The following SPMIP2 variants were observed in gnomAD, a reference collection of about 807,000 sequenced individuals.
SPMIP2 encodes protein SPMIP2.
chr4:159,032,531 A>G, the SPMIP2 span, among the ~76,000 whole-genome samples: 4 of 152,366 alleles, frequency 2.6e-5, no homozygotes, highest in East Asian at 7.7e-4. Flanking sequence ...ATGTAAATAC[A>G]TAAAACTAAG....
At chr4:158,982,831 GAGA>G in the SPMIP2 span, among the ~76,000 whole-genome samples, 2 of 152,234 alleles carry the variant, frequency 1.3e-5, no homozygotes, top group African/African-American at 4.8e-5. Context: ...GACAAGTTGA[GAGA>G]AGAAGGCTTC....
At chr4:159,030,456 A>G in the SPMIP2 span, among the ~76,000 whole-genome samples, 3 of 147,480 alleles carry the variant, frequency 2.0e-5, no homozygotes, top group Non-Finnish European at 4.4e-5. Context: ...GCCAAGAGAA[A>G]GCAAAATTTT....
At chr4:158,910,143 AC>A in the SPMIP2 span, among the ~76,000 whole-genome samples, 1 of 152,030 alleles carries the variant, frequency 6.6e-6, no homozygotes, top group Non-Finnish European at 1.5e-5. Flanking sequence ...AGCTTCCCAA[AC>A]CGTTGGGATT....
the SPMIP2 span, among the ~76,000 whole-genome samples, chr4:159,002,896 T>C: frequency 6.6e-6 from 1 of 152,198 alleles, no homozygotes; most frequent in Non-Finnish European, 1.5e-5. Flanking sequence ...CCTGAATTAC[T>C]TTTTTCTCTC....
At chr4:158,993,026 G>T in the SPMIP2 span, among the ~76,000 whole-genome samples, 149,649 of 152,180 alleles carry the variant, frequency 0.98, 73,626 homozygotes, top group East Asian at 1. Flanking sequence ...AAGTATGTGT[G>T]TTTCTGTGTG....
chr4:159,006,642 T>C, the SPMIP2 span, among the ~76,000 whole-genome samples: 2 of 152,218 alleles, frequency 1.3e-5, no homozygotes, highest in Non-Finnish European at 2.9e-5. Flanking sequence ...GAATTGAAGA[T>C]GATACTAAGT....
chr4:159,012,463 G>C, the SPMIP2 span, among the ~76,000 whole-genome samples: 1 of 152,268 alleles, frequency 6.6e-6, no homozygotes, highest in African/African-American at 2.4e-5. Context: ...CACCCAGAGA[G>C]GAAAGATCAG....
chr4:158,923,147 T>C, the SPMIP2 span, among the ~76,000 whole-genome samples: 4 of 152,256 alleles, frequency 2.6e-5, no homozygotes, highest in South Asian at 8.3e-4. Flanking sequence ...AGTACCATAC[T>C]GTCTTGATTA....
the SPMIP2 span, among the ~76,000 whole-genome samples, chr4:158,979,803 T>TG: frequency 1.4e-5 from 2 of 147,544 alleles, no homozygotes; most frequent in Admixed American, 6.7e-5. Context: ...TTTTTTTTTT[T>TG]TTTTTTTTTT....
At chr4:159,065,621 G>A in the SPMIP2 span, among the ~76,000 whole-genome samples, 1 of 152,136 alleles carries the variant, frequency 6.6e-6, no homozygotes, top group South Asian at 2.1e-4. Context: ...GGGAGGCTGA[G>A]GTGGGAGGAT....
chr4:159,057,563 T>G, the SPMIP2 span, among the ~76,000 whole-genome samples: 78 of 152,254 alleles, frequency 5.1e-4, no homozygotes, highest in African/African-American at 1.8e-3. Flanking sequence ...AAACTGTAGA[T>G]CAAGTCTCAA....
the SPMIP2 span, among the ~76,000 whole-genome samples, chr4:159,055,339 C>T: frequency 2.0e-5 from 3 of 152,086 alleles, no homozygotes; most frequent in African/African-American, 7.2e-5. Context: ...GGAAACTGAA[C>T]CATATGAGCA....
the SPMIP2 span, chr4:158,973,293 T>C: frequency 6.2e-7 from 1 of 1,612,314 alleles, no homozygotes; most frequent in Non-Finnish European, 8.5e-7. Flanking sequence ...GGGTAAATAA[T>C]CCTTTATGTA....
the SPMIP2 span, among the ~76,000 whole-genome samples, chr4:158,972,319 G>T: frequency 6.6e-6 from 1 of 152,212 alleles, no homozygotes; most frequent in Non-Finnish European, 1.5e-5. Context: ...TCAAGATCGT[G>T]CCACTGCACT....
chr4:159,009,323 A>G, the SPMIP2 span, among the ~76,000 whole-genome samples: 1 of 152,230 alleles, frequency 6.6e-6, no homozygotes, highest in Non-Finnish European at 1.5e-5. Flanking sequence ...CCCACCTTAT[A>G]TCTCCTAAAA....
the SPMIP2 span, among the ~76,000 whole-genome samples, chr4:159,004,545 C>A: frequency 1.3e-5 from 2 of 152,072 alleles, no homozygotes; most frequent in African/African-American, 4.8e-5. Flanking sequence ...CCTGCCTTGA[C>A]CTCCCAAAGT....
At chr4:158,944,812 G>A in the SPMIP2 span, among the ~76,000 whole-genome samples, 1 of 152,116 alleles carries the variant, frequency 6.6e-6, no homozygotes, top group African/African-American at 2.4e-5. Flanking sequence ...TCTGGAATCT[G>A]TTCCTCCTCT....
chr4:159,025,086 G>A, the SPMIP2 span, among the ~76,000 whole-genome samples: 3 of 152,212 alleles, frequency 2.0e-5, no homozygotes, highest in South Asian at 2.1e-4. Flanking sequence ...AAGTGGTGGA[G>A]CCAGAATAGT....
chr4:158,947,440 A>C, the SPMIP2 span, among the ~76,000 whole-genome samples: 378 of 152,332 alleles, frequency 2.5e-3, 1 homozygote, highest in African/African-American at 8.6e-3. Flanking sequence ...CACCTTTCTG[A>C]ATAAACAAAA....
Sources: allele counts gnomAD v4.1 joint callset (sites outside exome capture counted in the v4.1 genomes callset), GRCh38; gene constraint gnomAD v4.1.1; transcripts MANE v1.5; gene names NCBI Gene and HGNC (gene_info 2026-07-23, HGNC 2026-07-21).